SDK1: variants seen among roughly 807,000 people sequenced by gnomAD.
SDK1 encodes protein sidekick-1.
SDK1 carries 157 observed loss-of-function variants against 245.5 expected under a neutral mutation model. That is an observed-to-expected ratio of 0.64 (90% CI 0.56 to 0.73). SDK1 has a LOEUF of 0.73. SDK1 is among the 30% of genes least tolerant of loss of function. The pLI is 0.00. For missense variants in SDK1, 3,583 were observed against 3,002.3 expected (o/e 1.19, Z -4.52); for synonymous variants, 1,647 against 1,278.5 (o/e 1.29, Z -6.15).
chr7:3,542,375 G>A (rs1289790509), intron 1 of SDK1, among the ~76,000 whole-genome samples: 1 of 152,312 alleles, frequency 6.6e-6, no homozygotes, highest in East Asian at 1.9e-4. Context: ...GCCTTGTAGC[G>A]ATTTGGGGCA....
At chr7:4,162,755 C>G (rs1477793540) in intron 32 of SDK1, among the ~76,000 whole-genome samples, 1 of 152,148 alleles carries the variant, frequency 6.6e-6, no homozygotes, top group African/African-American at 2.4e-5. Context: ...CATATTCTTC[C>G]AGATAATCAC....
At chr7:3,348,370 A>G (rs958574113) in intron 1 of SDK1, among the ~76,000 whole-genome samples, 1 of 152,190 alleles carries the variant, frequency 6.6e-6, no homozygotes, top group Non-Finnish European at 1.5e-5. Context: ...ATGGACTACT[A>G]TGCAGCCATA....
intron 14 of SDK1, among the ~76,000 whole-genome samples, chr7:3,987,789 G>A (rs896722001): frequency 1.3e-5 from 2 of 152,084 alleles, no homozygotes; most frequent in African/African-American, 2.4e-5. Flanking sequence ...GCCATCCTTG[G>A]AACTCTTCTA....
chr7:3,968,819 G>GTATTA (rs1782266251), intron 10 of SDK1, among the ~76,000 whole-genome samples: 1 of 152,054 alleles, frequency 6.6e-6, no homozygotes, highest in African/African-American at 2.4e-5. Context: ...TTTCTTTGTT[G>GTATTA]TATTAGTCCA....
At chr7:3,947,301 A>G (rs946985714) in intron 5 of SDK1, among the ~76,000 whole-genome samples, 2 of 152,136 alleles carry the variant, frequency 1.3e-5, no homozygotes, top group Non-Finnish European at 2.9e-5. Context: ...GCAGTTTCAT[A>G]TCGTCCAGGT....
intron 1 of SDK1, among the ~76,000 whole-genome samples, chr7:3,525,507 G>A (rs1031234508): frequency 6.6e-6 from 1 of 152,030 alleles, no homozygotes; most frequent in African/African-American, 2.4e-5. Context: ...AACTGAACTC[G>A]GCATCTCCCA....
chr7:3,450,801 T>G (rs556226029), intron 1 of SDK1, among the ~76,000 whole-genome samples: 3 of 152,112 alleles, frequency 2.0e-5, no homozygotes, highest in African/African-American at 7.2e-5. Flanking sequence ...ATGGAATAAT[T>G]GCATGAAGAG....
chr7:4,238,246 A>AT (rs1786304323), intron 42 of SDK1, among the ~76,000 whole-genome samples: 1 of 151,398 alleles, frequency 6.6e-6, no homozygotes, highest in South Asian at 2.1e-4. Context: ...CGCCCGGCTA[A>AT]TTTTTGTATT....
At chr7:3,475,868 TATTC>T (rs951543112) in intron 1 of SDK1, among the ~76,000 whole-genome samples, 2 of 152,232 alleles carry the variant, frequency 1.3e-5, no homozygotes, top group African/African-American at 4.8e-5. Flanking sequence ...TGGTACTTCT[TATTC>T]ATTGCGACAT....
chr7:3,781,118 C>G (rs1780722315), intron 4 of SDK1, among the ~76,000 whole-genome samples: 1 of 152,068 alleles, frequency 6.6e-6, no homozygotes, highest in South Asian at 2.1e-4. Flanking sequence ...TCATGAATTT[C>G]CTAAGGAACA....
At chr7:4,221,117 G>A (rs1379384489) in intron 39 of SDK1, 122 bp from the exon 40 acceptor site, 2 of 1,223,318 alleles carry the variant, frequency 1.6e-6, no homozygotes, top group Non-Finnish European at 2.2e-6. Context: ...GTGAGGTTAA[G>A]TAACCTGCCC....
intron 1 of SDK1, among the ~76,000 whole-genome samples, chr7:3,466,096 CCTTGA>C (rs1227068978): frequency 7.2e-5 from 11 of 151,932 alleles, no homozygotes; most frequent in Non-Finnish European, 1.3e-4. Flanking sequence ...ACAGGATATG[CCTTGA>C]CTACTACCAT....
chr7:3,840,979 G>C (rs1365223166), intron 5 of SDK1, among the ~76,000 whole-genome samples: 1 of 152,172 alleles, frequency 6.6e-6, no homozygotes, highest in Non-Finnish European at 1.5e-5. Context: ...TTAGGGAGTG[G>C]CTGGGGATGT....
At chr7:3,613,092 A>G (rs891544728) in intron 1 of SDK1, among the ~76,000 whole-genome samples, 3 of 152,176 alleles carry the variant, frequency 2.0e-5, no homozygotes, top group African/African-American at 4.8e-5. Flanking sequence ...CTTGCTTGAT[A>G]CCTCATAGTT....
At chr7:3,756,229 T>C (rs1779926794) in intron 4 of SDK1, among the ~76,000 whole-genome samples, 1 of 150,778 alleles carries the variant, frequency 6.6e-6, no homozygotes, top group Non-Finnish European at 1.5e-5. Context: ...TGCATATCTT[T>C]GATGCTTTGA....
At chr7:3,462,994 C>T (rs1022676341) in intron 1 of SDK1, among the ~76,000 whole-genome samples, 3 of 152,190 alleles carry the variant, frequency 2.0e-5, no homozygotes, top group Admixed American at 6.5e-5. Context: ...TGGCAGCTCC[C>T]CCGTGTGTTC....
chr7:4,210,079 A>G lies in SDK1; in HGVS notation c.5456A>G (p.Asn1819Ser). 1.2e-6 allele frequency: 2 copies of G among 1,609,596 alleles called. No individual in the cohort carries two copies. Among genetic ancestry groups the G allele is most frequent in the Non-Finnish European group, 1.7e-6 (2 of 1,178,288 alleles). ...AFSEITSTTL[N>S]VSWGEPAAAN... ...TCAGAAATAACCTCCACCACGCTCA[A>G]CGTGTCCTGGGGCGAGCCTGCGGCG... Residue 1819 changes from asparagine (N) to serine (S), a missense_variant, in exon 38 of 45, where the codon AAC (asparagine) becomes AGC (serine). By Grantham distance (46) the Asn-to-Ser change is conservative. Coordinates refer to ENST00000404826, the MANE Select transcript of SDK1 (RefSeq NM_152744.4).
At chr7:3,469,179 T>G (rs534358477) in intron 1 of SDK1, among the ~76,000 whole-genome samples, 1 of 152,262 alleles carries the variant, frequency 6.6e-6, no homozygotes, top group African/African-American at 2.4e-5. Context: ...TCCCAGCACC[T>G]TGGGAGGCCA....
At chr7:3,343,159 A>AT (rs768634943) in intron 1 of SDK1, among the ~76,000 whole-genome samples, 12 of 152,158 alleles carry the variant, frequency 7.9e-5, no homozygotes, top group Non-Finnish European at 1.8e-4. Flanking sequence ...TGGCAAGTGT[A>AT]CTCTTGGATA....
Sources: allele counts gnomAD v4.1 joint callset (sites outside exome capture counted in the v4.1 genomes callset), GRCh38; gene constraint gnomAD v4.1.1; transcripts MANE v1.5; gene names NCBI Gene and HGNC (gene_info 2026-07-23, HGNC 2026-07-21).